The following FRMD4A variants were observed in gnomAD, a reference collection of about 807,000 sequenced individuals.
FRMD4A encodes the protein FERM domain containing 4A.
Under a neutral mutation model 129.1 loss-of-function variants are expected in FRMD4A, and 29 were observed. The observed-to-expected ratio is 0.22, with a 90% CI of 0.17 to 0.31. FRMD4A has a LOEUF of 0.31. Ranked by LOEUF, FRMD4A falls within the 10% of genes least tolerant of loss-of-function variation. FRMD4A has a pLI of 1.00. For synonymous variants in FRMD4A, 634 were observed against 571.6 expected, an observed-to-expected ratio of 1.11 and a Z score of -1.56; for missense variants, 1,272 against 1,375.8, an observed-to-expected ratio of 0.92 and a Z score of 1.19.
At chr10:14,142,800 A>G (rs1839901098) in intron 2 of FRMD4A, among the ~76,000 whole-genome samples, 1 of 152,228 alleles carries the variant, frequency 6.6e-6, no homozygotes. Context: ...ATTTGTTCAC[A>G]TACTAAAAAT....
chr10:14,329,883 AAGT>A (rs775747108), intron 2 of FRMD4A, among the ~76,000 whole-genome samples, 172 bp downstream of exon 2: 7 of 152,178 alleles, frequency 4.6e-5, no homozygotes, highest in Non-Finnish European at 8.8e-5. Flanking sequence ...TTTTCCCTGC[AAGT>A]GCTTTGTCAT....
intron 2 of FRMD4A, among the ~76,000 whole-genome samples, chr10:14,148,710 C>T (rs372564551): frequency 1.3e-5 from 2 of 150,940 alleles, no homozygotes; most frequent in African/African-American, 4.9e-5. Flanking sequence ...TGCAGTAAGC[C>T]GAGATTGCGC....
chr10:14,220,000 G>A (rs186557778), intron 2 of FRMD4A, among the ~76,000 whole-genome samples: 2 of 152,268 alleles, frequency 1.3e-5, no homozygotes, highest in African/African-American at 2.4e-5. Context: ...ATGGTGTCTA[G>A]AGCCTATCTG....
chr10:13,990,482 G>C (rs1317728382), intron 2 of FRMD4A, among the ~76,000 whole-genome samples: 1 of 152,166 alleles, frequency 6.6e-6, no homozygotes, highest in East Asian at 1.9e-4. Flanking sequence ...AGCATGTCTG[G>C]GAGTGTGCTA....
intron 16 of FRMD4A, 68 bp downstream of exon 16, chr10:13,674,843 G>T: frequency 6.7e-7 from 1 of 1,492,390 alleles, no homozygotes; most frequent in Non-Finnish European, 9.3e-7. Flanking sequence ...AAGATCAAAT[G>T]ACATCAGAAA....
chr10:13,694,660 G>GC (rs2086044660), intron 14 of FRMD4A, among the ~76,000 whole-genome samples: 2 of 152,224 alleles, frequency 1.3e-5, no homozygotes, highest in African/African-American at 4.8e-5. Context: ...TCCAGCTTGG[G>GC]CATCATAGCA....
chr10:13,889,254 C>T (rs935196410), intron 2 of FRMD4A, among the ~76,000 whole-genome samples: 6 of 152,214 alleles, frequency 3.9e-5, no homozygotes, highest in Admixed American at 3.9e-4. Flanking sequence ...AAACCAATCT[C>T]ACTTTTTGCA....
chr10:14,227,682 A>G (rs868429707), intron 2 of FRMD4A, among the ~76,000 whole-genome samples: 1 of 152,094 alleles, frequency 6.6e-6, no homozygotes, highest in East Asian at 1.9e-4. Context: ...ATACTGAAAT[A>G]CCCAATTTCT....
At chr10:13,914,125 T>A (rs2094973932) in intron 2 of FRMD4A, among the ~76,000 whole-genome samples, 1 of 152,224 alleles carries the variant, frequency 6.6e-6, no homozygotes, top group African/African-American at 2.4e-5. Context: ...ATGCCTTCTG[T>A]TGTCTAAAGC....
chr10:13,854,586 A>ATTT (rs34618985), intron 3 of FRMD4A, among the ~76,000 whole-genome samples: 16 of 130,530 alleles, frequency 1.2e-4, no homozygotes, highest in African/African-American at 3.1e-4. Flanking sequence ...ACACCGAGCT[A>ATTT]TTTTTTTTTT....
At chr10:14,119,990 A>G (rs1254611412) in intron 2 of FRMD4A, among the ~76,000 whole-genome samples, 1 of 141,914 alleles carries the variant, frequency 7.0e-6, no homozygotes, top group Non-Finnish European at 1.5e-5. Context: ...GTTCAATGTC[A>G]TCTGCTTTTT....
intron 6 of FRMD4A, among the ~76,000 whole-genome samples, chr10:13,777,949 C>T (rs965383013): frequency 6.6e-6 from 1 of 151,780 alleles, no homozygotes; most frequent in Non-Finnish European, 1.5e-5. Context: ...ATTACAGGCG[C>T]CTGCCACCAC....
chr10:14,067,891 A>G (rs1588902580), intron 2 of FRMD4A, among the ~76,000 whole-genome samples: 1 of 152,204 alleles, frequency 6.6e-6, no homozygotes, highest in South Asian at 2.1e-4. Flanking sequence ...ATACACAAAC[A>G]GAGTCATTTC....
chr10:14,287,329 C>T (rs1845713405), intron 2 of FRMD4A, among the ~76,000 whole-genome samples: 1 of 152,190 alleles, frequency 6.6e-6, no homozygotes, highest in Non-Finnish European at 1.5e-5. Flanking sequence ...CCTGCAAGTT[C>T]CCTAAGGGAA....
At chr10:14,107,486 T>C (rs1837648111) in intron 2 of FRMD4A, among the ~76,000 whole-genome samples, 1 of 152,210 alleles carries the variant, frequency 6.6e-6, no homozygotes, top group Non-Finnish European at 1.5e-5. Flanking sequence ...AACTTTTTAA[T>C]ATTTATGCAA....
intron 2 of FRMD4A, among the ~76,000 whole-genome samples, chr10:14,005,083 C>T (rs1168637563): frequency 6.6e-6 from 1 of 151,696 alleles, no homozygotes; most frequent in Non-Finnish European, 1.5e-5. Context: ...AGTGCAGTGG[C>T]TCCATCTTGG....
At chr10:14,018,549 AG>A (rs2095706566) in intron 2 of FRMD4A, among the ~76,000 whole-genome samples, 1 of 151,922 alleles carries the variant, frequency 6.6e-6, no homozygotes, top group Non-Finnish European at 1.5e-5. Context: ...TCCATGAGCA[AG>A]GGGGAGCCAT....
chr10:13,905,356 C>T (rs933520555), intron 2 of FRMD4A, among the ~76,000 whole-genome samples: 1 of 152,164 alleles, frequency 6.6e-6, no homozygotes, highest in Non-Finnish European at 1.5e-5. Flanking sequence ...TAAGGTTCTT[C>T]CTTTGTTCAT....
chr10:13,860,383 T>C lies in FRMD4A; in HGVS notation c.46-1471A>G, dbSNP rs147510694. Reference sequence around the variant, plus strand: ...TTTTAACAATGGCTATGCTTTATAATTGGCACCCCACATTCCTGAAAATGT... The same window carrying C: ...TTTTAACAATGGCTATGCTTTATAACTGGCACCCCACATTCCTGAAAATGT... On this transcript the variant is annotated intron_variant, in intron 2 of 24. Coordinates refer to ENST00000357447, the MANE Select transcript of FRMD4A (RefSeq NM_018027.5). 2.5e-3 allele frequency among the ~76,000 whole-genome samples: 387 copies of C among 152,344 alleles called. 1 individual carries two copies. The highest frequency in any genetic ancestry group is 8.8e-3 in the African/African-American group (366 of 41,588).
Sources: allele counts gnomAD v4.1 joint callset (sites outside exome capture counted in the v4.1 genomes callset), GRCh38; gene constraint gnomAD v4.1.1; transcripts MANE v1.5; gene names NCBI Gene and HGNC (gene_info 2026-07-23, HGNC 2026-07-21).